The following MTO1 variants were observed in gnomAD, a reference collection of about 807,000 sequenced individuals.
The protein encoded by MTO1 is mitochondrial tRNA translation optimization 1, also known as 5-taurinomethyluridine-[tRNA] synthase subunit MTO1, mitochondrial.
In MTO1, 46 loss-of-function variants were observed where a neutral mutation model predicts 71.6. The observed-to-expected ratio is 0.64, with a 90% CI of 0.51 to 0.82. The LOEUF (loss-of-function observed/expected upper bound fraction) is 0.82. MTO1 is among the 40% of genes least tolerant of loss of function. The probability of loss-of-function intolerance (pLI) is 0.00; values close to 1 mark genes in which losing one functional copy is unlikely to be tolerated. For missense variants in MTO1, 773 were observed against 867.5 expected, an observed-to-expected ratio of 0.89 and a Z score of 1.37; for synonymous variants, 297 against 312.1, an observed-to-expected ratio of 0.95 and a Z score of 0.51.
At chr6:73,497,058 A>G (rs1050769565) in intron 10 of MTO1, among the ~76,000 whole-genome samples, 2 of 151,892 alleles carry the variant, frequency 1.3e-5, no homozygotes, top group African/African-American at 2.4e-5. Context: ...GTCTCAAAAA[A>G]AGAGAGAAAT....
chr6:73,497,157 C>CTTTTTTTTTTTTTTTT lies in MTO1; in HGVS notation c.1757-566_1757-565insTTTTTTTTTTTTTTTT, dbSNP rs765385743. On this transcript the variant is annotated intron_variant, in intron 10 of 11. Coordinates refer to ENST00000498286, the MANE Select transcript of MTO1 (RefSeq NM_012123.4). ...TTTGCACTGACAGCGGAAGCAAATTCTTTTTTTTTTTTTGAGACAGAGTCT... is the reference window on the plus strand; with the variant it reads ...TTTGCACTGACAGCGGAAGCAAATTCTTTTTTTTTTTTTTTTTTTTTTTTTTTTTGAGACAGAGTCT... Among the ~76,000 whole-genome samples, 24 of 92,744 alleles carry CTTTTTTTTTTTTTTTT rather than the reference C, an allele frequency of 2.6e-4. 2 individuals are homozygous for CTTTTTTTTTTTTTTTT. Among genetic ancestry groups the CTTTTTTTTTTTTTTTT allele is most frequent in the East Asian group, 4.0e-4 (1 of 2,530 alleles). The allele number at this position is 92,744 out of a possible 152,430, so 60.8% of individuals were successfully genotyped here. A position where few individuals can be genotyped will look rare whatever the true frequency, so the allele number is the denominator to read the frequency against.
intron 10 of MTO1, among the ~76,000 whole-genome samples, chr6:73,496,701 A>G (rs955551857): frequency 2.8e-5 from 4 of 141,562 alleles, no homozygotes; most frequent in Admixed American, 1.6e-4. Context: ...TCATTGTTCA[A>G]TTCCCATCTA....
At chr6:73,490,575 A>G (rs1771777212) in intron 9 of MTO1, among the ~76,000 whole-genome samples, 1 of 152,118 alleles carries the variant, frequency 6.6e-6, no homozygotes, top group Non-Finnish European at 1.5e-5. Context: ...TTGTGCCAGT[A>G]CCATGCTGTT....
chr6:73,491,396 CAAAAAA>C (rs1223217073), intron 9 of MTO1, among the ~76,000 whole-genome samples: 3 of 133,736 alleles, frequency 2.2e-5, no homozygotes, highest in South Asian at 2.3e-4. Flanking sequence ...CCTGTCTCTA[CAAAAAA>C]AAAAAAAAAA....
chr6:73,482,789 C>CTTT (rs35121302), intron 9 of MTO1, among the ~76,000 whole-genome samples, 169 bp downstream of exon 9: 1,391 of 92,032 alleles, frequency 0.015, 25 homozygotes, highest in Middle Eastern at 0.02. Flanking sequence ...TTTTTTCTTT[C>CTTT]TTTTTTTTTT....
intron 3 of MTO1, among the ~76,000 whole-genome samples, chr6:73,467,299 G>GTGAGA (rs1771026852): frequency 6.6e-6 from 1 of 150,782 alleles, no homozygotes; most frequent in Non-Finnish European, 1.5e-5. Flanking sequence ...GGGCAACAGA[G>GTGAGA]TGAGACCCTG....
chr6:73,474,824 C>T (rs1289582728), intron 4 of MTO1, among the ~76,000 whole-genome samples: 1 of 151,170 alleles, frequency 6.6e-6, no homozygotes, highest in African/African-American at 2.4e-5. Context: ...GGCGCAATCT[C>T]GGCTTACTGC....
chr6:73,465,011 A>G (rs1176856461), intron 1 of MTO1, among the ~76,000 whole-genome samples: 1 of 152,200 alleles, frequency 6.6e-6, no homozygotes, highest in East Asian at 1.9e-4. Flanking sequence ...AGGGAAAGGT[A>G]TAAAATATGG....
chr6:73,471,341 C>T, intron 3 of MTO1: 6 of 358,802 alleles, frequency 1.7e-5, no homozygotes, highest in Admixed American at 3.7e-5. Context: ...TCCTTTTCTC[C>T]CCCGACTTTC....
chr6:73,481,759 C>A (rs1183515430), intron 7 of MTO1, among the ~76,000 whole-genome samples: 1 of 152,022 alleles, frequency 6.6e-6, no homozygotes, highest in Non-Finnish European at 1.5e-5. Flanking sequence ...CAGGGGAAGA[C>A]CCTGTCTCCG....
Position 73,480,114 on chromosome 6 carries a change from G to A in MTO1, c.1117G>A (p.Val373Met). ...TCIRGLEKAK[V>M]IQPGYGVQYD... ...CATCAGAGGCTTGGAGAAAGCTAAA[G>A]TGATTCAGCCAGGTAAAGAAGATCA... Residue 373 changes from valine (V) to methionine (M), a missense_variant, in exon 6 of 12, where the codon GTG (valine) becomes ATG (methionine). Physicochemically the swap from Val to Met is conservative, Grantham distance 21. Coordinates refer to ENST00000498286, the MANE Select transcript of MTO1 (RefSeq NM_012123.4). 2 of 1,613,946 alleles carry A rather than the reference G, an allele frequency of 1.2e-6. No individual in the cohort carries two copies. Among genetic ancestry groups the A allele is most frequent in the Non-Finnish European group, 1.7e-6 (2 of 1,179,940 alleles).
At chr6:73,468,970 CT>C (rs1771072632) in intron 3 of MTO1, among the ~76,000 whole-genome samples, 1 of 151,814 alleles carries the variant, frequency 6.6e-6, no homozygotes, top group South Asian at 2.1e-4. Flanking sequence ...ACACAACTTC[CT>C]TTAAGTATCT....
intron 9 of MTO1, among the ~76,000 whole-genome samples, 176 bp downstream of exon 9, chr6:73,482,796 T>C (rs1293296009): frequency 7.2e-6 from 1 of 138,702 alleles, no homozygotes; most frequent in African/African-American, 2.7e-5. Context: ...TTTCTTTTTT[T>C]TTTTTTTTTT....
chr6:73,479,894 C>T (rs757408515), intron 5 of MTO1, 42 bp from the exon 6 acceptor site: 4 of 1,603,438 alleles, frequency 2.5e-6, no homozygotes, highest in Non-Finnish European at 1.7e-6. Flanking sequence ...GACGTCAATC[C>T]TCTTTTGTTC....
chr6:73,481,039 A>G (rs1330461016), intron 7 of MTO1: 1 of 462,680 alleles, frequency 2.2e-6, no homozygotes, highest in Non-Finnish European at 3.8e-6. Context: ...CAGTGATATG[A>G]TCTCCCAGCT....
chr6:73,486,411 A>G (rs552345480), intron 9 of MTO1, among the ~76,000 whole-genome samples: 1 of 151,818 alleles, frequency 6.6e-6, no homozygotes, highest in South Asian at 2.1e-4. Flanking sequence ...TGGTAACCCC[A>G]TTCTACTCTG....
At position 73,486,193 on chromosome 6, in the gene MTO1, T is replaced by C. The variant is rs540405893; in HGVS notation, c.1637+3573T>C. On this transcript the variant is annotated intron_variant, in intron 9 of 11. Coordinates refer to ENST00000498286, the MANE Select transcript of MTO1 (RefSeq NM_012123.4). ...CTGGTGCTCAGGTGATTCTCCTACC[T>C]CTGCCTCCCAAAGTGCTGGGATTAC... Among the ~76,000 whole-genome samples, 9 of 152,228 alleles carry C rather than the reference T, an allele frequency of 5.9e-5. No homozygotes were observed. The South Asian group carries it at 1.9e-3, about 32-fold the overall frequency.
chr6:73,495,418 G>A (rs913600095), intron 10 of MTO1, among the ~76,000 whole-genome samples: 1 of 151,890 alleles, frequency 6.6e-6, no homozygotes, highest in African/African-American at 2.4e-5. Flanking sequence ...TCAATAAATC[G>A]TCAGGTTCAG....
chr6:73,475,484 A>G (rs551553450), intron 4 of MTO1, among the ~76,000 whole-genome samples: 3 of 145,678 alleles, frequency 2.1e-5, no homozygotes, highest in Non-Finnish European at 4.5e-5. Flanking sequence ...ACAGGGTTTC[A>G]CCATGTTGAT....
Sources: gnomAD v4.1 joint callset for allele counts (sites outside exome capture counted in the v4.1 genomes callset) on GRCh38, gnomAD v4.1.1 for gene constraint, MANE v1.5 for transcripts, NCBI Gene and HGNC (gene_info 2026-07-23, HGNC 2026-07-21) for gene names.